The following PLCZ1 variants were observed in gnomAD, a reference collection of about 807,000 sequenced individuals.
PLCZ1 encodes phospholipase C zeta 1.
Under a neutral mutation model 76.8 loss-of-function variants are expected in PLCZ1, and 64 were observed. The ratio of observed to expected loss-of-function variants is 0.83; its 90% CI spans 0.68 to 1.03. The LOEUF is 1.03. Among genes scored for constraint, PLCZ1 ranks in the 50% least tolerant of loss-of-function variants. The pLI, the probability that PLCZ1 is intolerant of heterozygous loss-of-function variation, is 0.00. For synonymous variants in PLCZ1, 248 were observed against 230.8 expected (o/e 1.07, Z -0.68); for missense variants, 751 against 713.7 (o/e 1.05, Z -0.60).
At chr12:18,676,100 A>C in the PLCZ1 span, among the ~76,000 whole-genome samples, 1 of 152,116 alleles carries the variant, frequency 6.6e-6, no homozygotes. Flanking sequence ...CCTGCTTTGC[A>C]TGGGTGTCCT....
At chr12:18,664,310 T>C in the PLCZ1 span, among the ~76,000 whole-genome samples, 34 of 152,230 alleles carry the variant, frequency 2.2e-4, no homozygotes, top group Non-Finnish European at 4.3e-4. Flanking sequence ...CTTCTGAAAA[T>C]ATATTTGTAC....
the PLCZ1 span, among the ~76,000 whole-genome samples, chr12:18,659,405 G>A: frequency 3.3e-5 from 5 of 152,088 alleles, no homozygotes; most frequent in African/African-American, 7.2e-5. Flanking sequence ...GGGATTAAGC[G>A]GCTGACCTGA....
chr12:18,651,487 C>T, the PLCZ1 span, among the ~76,000 whole-genome samples: 1 of 152,148 alleles, frequency 6.6e-6, no homozygotes, highest in South Asian at 2.1e-4. Flanking sequence ...AGGCAATTAG[C>T]CATAAGACTA....
At chr12:18,678,155 C>T in the PLCZ1 span, among the ~76,000 whole-genome samples, 1 of 152,046 alleles carries the variant, frequency 6.6e-6, no homozygotes, top group African/African-American at 2.4e-5. Context: ...TCATTCAATT[C>T]TGTGTCCCCA....
rs376022504 is a variant in PLCZ1, at chr12:18,708,938, A to AT, written c.715-3624dup. ...CTTATCAGATACATGGTTTGCAAAT[A>AT]TTTTTTCCCCAATTCATAGGCTGCC... On this transcript the variant is annotated intron_variant, in intron 6 of 14. Transcript: ENST00000266505. 7.1e-3 allele frequency among the ~76,000 whole-genome samples: 1,085 copies of AT among 151,876 alleles called. 11 individuals are homozygous for AT. Among genetic ancestry groups the AT allele is most frequent in the African/African-American group, 0.025 (1,052 of 41,426 alleles).
At chr12:18,737,072 T>C (rs1361050096) in intron 2 of PLCZ1, among the ~76,000 whole-genome samples, 2 of 152,062 alleles carry the variant, frequency 1.3e-5, no homozygotes, top group Non-Finnish European at 2.9e-5. Flanking sequence ...ATAAAAGGTA[T>C]AGGTAAAAAT....
the PLCZ1 span, among the ~76,000 whole-genome samples, chr12:18,646,697 G>A: frequency 3.9e-5 from 6 of 152,238 alleles, no homozygotes; most frequent in African/African-American, 1.4e-4. Context: ...AGGCAAGTTT[G>A]TAGCAGCATA....
chr12:18,705,006 T>C (rs942138643), intron 7 of PLCZ1, among the ~76,000 whole-genome samples, 160 bp downstream of exon 7: 1 of 152,190 alleles, frequency 6.6e-6, no homozygotes, highest in African/African-American at 2.4e-5. Flanking sequence ...TAAGCATTCA[T>C]GAGAACATTC....
chr12:18,684,910 T>C (rs1203585527), intron 13 of PLCZ1, among the ~76,000 whole-genome samples: 1 of 151,900 alleles, frequency 6.6e-6, no homozygotes, highest in Non-Finnish European at 1.5e-5. Context: ...TAAGGCAGTT[T>C]TCCCCACTCT....
rs751409870 is a variant in PLCZ1 at position 18,723,353 on chromosome 12, T to C, written c.325A>G (p.Ile109Val). 4.3e-5 allele frequency: 69 copies of C among 1,612,578 alleles called. No individual in the cohort carries two copies. The highest frequency in any genetic ancestry group is 5.3e-5 in the Non-Finnish European group (62 of 1,179,334). Residue 109 changes from isoleucine (I) to valine (V), a missense_variant, in exon 4 of 15, where the codon ATT becomes GTT. Coordinates refer to ENST00000266505, the MANE Select transcript of PLCZ1 (RefSeq NM_033123.4). Reference sequence around the variant, plus strand: ...TATTTCTGAATGATCTCAAAAGCAATAGCTTTACTCATCTCAGCTGCATAT... The same window carrying C: ...TATTTCTGAATGATCTCAAAAGCAACAGCTTTACTCATCTCAGCTGCATAT... ...EQYAAEMSKA[I>V]AFEIIQKYEP...
At chr12:18,712,235 A>G (rs1013144469) in intron 6 of PLCZ1, among the ~76,000 whole-genome samples, 2 of 152,150 alleles carry the variant, frequency 1.3e-5, no homozygotes, top group Non-Finnish European at 2.9e-5. Context: ...CCACGTTTAT[A>G]AATGAAACCA....
At chr12:18,663,513 C>T in the PLCZ1 span, among the ~76,000 whole-genome samples, 4 of 152,022 alleles carry the variant, frequency 2.6e-5, no homozygotes, top group Non-Finnish European at 5.9e-5. Context: ...GAGATTTGAA[C>T]TTCTGTGGAT....
At chr12:18,649,858 T>C in the PLCZ1 span, among the ~76,000 whole-genome samples, 1 of 152,088 alleles carries the variant, frequency 6.6e-6, no homozygotes, top group Non-Finnish European at 1.5e-5. Flanking sequence ...AGTTATAGTT[T>C]AGTTTAGCTT....
intron 5 of PLCZ1, among the ~76,000 whole-genome samples, chr12:18,713,260 A>G (rs530372110): frequency 1.3e-5 from 2 of 152,132 alleles, no homozygotes; most frequent in Non-Finnish European, 2.9e-5. Context: ...CTTGGTTTTC[A>G]GTAAGCAATG....
chr12:18,726,845 CTT>C lies in PLCZ1; in HGVS notation c.136-3305_136-3304del, dbSNP rs1460068087. Among the ~76,000 whole-genome samples the C allele has an allele frequency of 2.6e-5, 4 of 152,238 alleles. No individual in the cohort carries two copies. In the East Asian group the frequency reaches 7.7e-4, roughly 29 times the overall value. On this transcript the variant is annotated intron_variant, in intron 3 of 14. Transcript: ENST00000266505. Reference sequence around the variant, plus strand: ...TTACAGGAAATGATATGACTTGCCACTTTCTTTTTTCCCAAACTCTCGCGCTA... The same window carrying C: ...TTACAGGAAATGATATGACTTGCCACTCTTTTTTCCCAAACTCTCGCGCTA...
At chr12:18,703,625 A>G (rs1956220801) in intron 7 of PLCZ1, among the ~76,000 whole-genome samples, 1 of 152,208 alleles carries the variant, frequency 6.6e-6, no homozygotes. Flanking sequence ...CTTAGAGTGT[A>G]ATCAACCGTA....
the PLCZ1 span, among the ~76,000 whole-genome samples, chr12:18,667,779 C>T: frequency 2.6e-5 from 4 of 152,082 alleles, no homozygotes; most frequent in Non-Finnish European, 5.9e-5. Flanking sequence ...TAAGAAATGT[C>T]CTTGAGCCCA....
downstream of PLCZ1, among the ~76,000 whole-genome samples, chr12:18,678,674 T>C (rs749853467): frequency 5.3e-5 from 8 of 152,124 alleles, no homozygotes; most frequent in Non-Finnish European, 1.0e-4. Context: ...TTAATGCATG[T>C]ATGAATAGTC....
At chr12:18,676,581 T>C in the PLCZ1 span, among the ~76,000 whole-genome samples, 1 of 151,210 alleles carries the variant, frequency 6.6e-6, no homozygotes, top group Non-Finnish European at 1.5e-5. Flanking sequence ...GAAGGGAGTG[T>C]ATTTCTTACT....
Sources: allele counts gnomAD v4.1 joint callset (sites outside exome capture counted in the v4.1 genomes callset), GRCh38; gene constraint gnomAD v4.1.1; transcripts MANE v1.5; gene names NCBI Gene and HGNC (gene_info 2026-07-23, HGNC 2026-07-21).